Variants in SYCP1 observed in about 807,000 individuals in gnomAD.
SYCP1 encodes the protein cancer/testis antigen 8.
A neutral mutation model predicts 153.1 loss-of-function variants in SYCP1; 64 were observed. The observed-to-expected ratio is 0.42, with a 90% CI of 0.34 to 0.51. The LOEUF is 0.51. Ranked by LOEUF, SYCP1 falls within the 20% of genes least tolerant of loss-of-function variation. SYCP1 has a pLI of 0.06. For synonymous variants in SYCP1, 384 were observed against 341.8 expected (o/e 1.12, Z -1.36); for missense variants, 997 against 1,049.0 (o/e 0.95, Z 0.68).
At chr1:114,895,965 A>G (rs973734390) in intron 16 of SYCP1, among the ~76,000 whole-genome samples, 2 of 152,184 alleles carry the variant, frequency 1.3e-5, no homozygotes, top group Admixed American at 6.5e-5. Context: ...AACTGTCTGT[A>G]GAGGACTAGA....
chr1:114,910,237 T>A, intron 16 of SYCP1, 160 bp from the exon 17 acceptor site: 1 of 479,022 alleles, frequency 2.1e-6, no homozygotes, highest in South Asian at 2.8e-5. Flanking sequence ...GTCATCATGT[T>A]TAGTCTTTGA....
Position 114,926,307 on chromosome 1 carries a change from T to C in SYCP1, c.1830T>C (p.Asn610=). The C allele has an allele frequency of 8.5e-6, 13 of 1,531,626 alleles. No individual in the cohort carries two copies. The highest frequency in any genetic ancestry group is 1.1e-5 in the Non-Finnish European group (13 of 1,137,614). The allele number at this position is 1,531,626 out of a possible 1,614,324, so 94.9% of individuals were successfully genotyped here. A position where few individuals can be genotyped will look rare whatever the true frequency, so the allele number is the denominator to read the frequency against. The change falls in exon 22 of 32, where the codon AAT becomes AAC. Residue 610 remains asparagine, a synonymous_variant. Transcript: ENST00000369522. The stretch of plus-strand genomic sequence containing the variant: ...ACAATTTAAGGAAACAAGTTGAAAA[T>C]AAAAACAAGTATATTGAAGAACTTC... The part of the protein sequence containing the change: ...NCNNLRKQVE[N]KNKYIEELQQ...
chr1:114,967,119 G>A (rs1333872849), intron 27 of SYCP1, among the ~76,000 whole-genome samples: 1 of 152,192 alleles, frequency 6.6e-6, no homozygotes, highest in Non-Finnish European at 1.5e-5. Flanking sequence ...TAGAATAAGT[G>A]CTATGCGGTG....
chr1:114,907,710 T>C (rs1024366703), intron 16 of SYCP1, among the ~76,000 whole-genome samples: 1 of 151,690 alleles, frequency 6.6e-6, no homozygotes, highest in Non-Finnish European at 1.5e-5. Context: ...GCCTCCCGAG[T>C]AGCTGGGACT....
intron 15 of SYCP1, among the ~76,000 whole-genome samples, chr1:114,893,660 T>C (rs1220357992): frequency 1.3e-5 from 2 of 152,170 alleles, no homozygotes; most frequent in African/African-American, 4.8e-5. Flanking sequence ...TCTTCACAAA[T>C]TGTTGGTACC....
chr1:114,894,635 C>T (rs1230638415), intron 15 of SYCP1, among the ~76,000 whole-genome samples: 1 of 151,966 alleles, frequency 6.6e-6, no homozygotes, highest in Non-Finnish European at 1.5e-5. Flanking sequence ...AAAACAAGAA[C>T]AGGAGGTAGA....
At chr1:114,982,570 A>T (rs1673233582) in intron 29 of SYCP1, among the ~76,000 whole-genome samples, 1 of 151,368 alleles carries the variant, frequency 6.6e-6, no homozygotes, top group South Asian at 2.1e-4. Context: ...TTCTTTTGAT[A>T]ATTTATTTCT....
In SYCP1 at chr1:114,994,792, CT is replaced by C. The variant is rs1674167820; in HGVS notation, c.2793+9del. 1 of 1,583,918 alleles carries C rather than the reference CT, an allele frequency of 6.3e-7. No homozygotes were observed. Among genetic ancestry groups the C allele is most frequent in the Non-Finnish European group, 8.5e-7 (1 of 1,170,702 alleles). On this transcript the variant is annotated splice_donor_region_variant and intron_variant, in intron 31 of 31. Transcript: ENST00000369522. ...TGTGTCAAAACACCAAAAAAGGTAGCTTTTAAATTTTATTTCAGAAAGCAAA... is the reference window on the plus strand; with the variant it reads ...TGTGTCAAAACACCAAAAAAGGTAGCTTTAAATTTTATTTCAGAAAGCAAA...
At chr1:114,881,365 C>G (rs1328801541) in intron 12 of SYCP1, among the ~76,000 whole-genome samples, 1 of 152,036 alleles carries the variant, frequency 6.6e-6, no homozygotes, top group Non-Finnish European at 1.5e-5. Flanking sequence ...TTGTGATTAG[C>G]TGTCATAGAT....
chr1:114,921,448 G>T (rs1443419803), intron 20 of SYCP1, among the ~76,000 whole-genome samples: 1 of 152,034 alleles, frequency 6.6e-6, no homozygotes, highest in Non-Finnish European at 1.5e-5. Context: ...GGAGGCTGAG[G>T]GGGGCAGATC....
rs763267715 is a variant in SYCP1 at position 114,984,751 on chromosome 1, A to T, written c.2586A>T (p.Lys862Asn). 6.7e-7 allele frequency: 1 copy of T among 1,489,272 alleles called. No homozygotes were observed. Among genetic ancestry groups the T allele is most frequent in the Non-Finnish European group, 8.9e-7 (1 of 1,124,432 alleles). The allele number at this position is 1,489,272 out of a possible 1,614,324, so 92.3% of individuals were successfully genotyped here. Residue 862 changes from lysine to asparagine, a missense_variant, in exon 30 of 32, where the codon AAA becomes AAT. By Grantham distance (94) the Lys-to-Asn change is moderately conservative (BLOSUM62 0). This residue lies in a region of SYCP1 where 712 missense variants were observed against 682.9 expected (regional missense o/e 1.04). Coordinates refer to ENST00000369522, the MANE Select transcript of SYCP1 (RefSeq NM_003176.4). ...PKAYTVKTPT[K>N]PKLQQRENLN... Reference sequence around the variant, plus strand: ...CATATACAGTGAAGACACCAACAAAACCAAAACTACAGCAAAGAGAAAACT... The same window carrying T: ...CATATACAGTGAAGACACCAACAAATCCAAAACTACAGCAAAGAGAAAACT...
At chr1:114,962,550 C>A (rs1343608668) in intron 27 of SYCP1, among the ~76,000 whole-genome samples, 1 of 152,148 alleles carries the variant, frequency 6.6e-6, no homozygotes, top group Non-Finnish European at 1.5e-5. Flanking sequence ...TTATGTGAGT[C>A]TGTATGTGTT....
Position 114,913,096 on chromosome 1 carries a change from A to G in SYCP1, c.1593A>G (p.Thr531=), listed in dbSNP as rs145933284. 1,825 of 1,612,612 alleles carry G rather than the reference A, an allele frequency of 1.1e-3. 1 individual carries two copies. Among genetic ancestry groups the G allele is most frequent in the Non-Finnish European group, 1.4e-3 (1,668 of 1,179,096 alleles). ...NKLSLENKEL[T]QETSDMTLEL... ...TTTCACTAGAAAACAAAGAGCTCAC[A>G]CAGGAAACAAGTGATATGACCCTAG... The change falls in exon 19 of 32, where the codon ACA becomes ACG. Residue 531 remains threonine (T), a synonymous_variant. Transcript: ENST00000369522.
chr1:114,896,106 G>A (rs1037020533), intron 16 of SYCP1, among the ~76,000 whole-genome samples: 52 of 151,796 alleles, frequency 3.4e-4, no homozygotes, highest in Admixed American at 1.0e-3. Context: ...CTAGCTTAAG[G>A]GTCTAGGAAA....
chr1:114,885,801 T>C (rs1445448505), intron 13 of SYCP1, among the ~76,000 whole-genome samples, 172 bp downstream of exon 13: 1 of 152,068 alleles, frequency 6.6e-6, no homozygotes, highest in African/African-American at 2.4e-5. Flanking sequence ...TAAAAACACA[T>C]CAAAAGTATA....
At chr1:114,895,426 A>ATT (rs150956388) in intron 15 of SYCP1, 22 bp from the exon 16 acceptor site, 166 of 1,272,294 alleles carry the variant, frequency 1.3e-4, no homozygotes, top group South Asian at 3.6e-4. Context: ...TTTTTAACAC[A>ATT]TTTTTTTTTT....
At chr1:114,908,122 C>A (rs1427813821) in intron 16 of SYCP1, among the ~76,000 whole-genome samples, 3 of 151,680 alleles carry the variant, frequency 2.0e-5, no homozygotes, top group Non-Finnish European at 4.4e-5. Context: ...TTGCTGCTGA[C>A]AAATTTTCTT....
chr1:114,958,591 T>G (rs536167197), intron 27 of SYCP1, among the ~76,000 whole-genome samples: 1 of 151,922 alleles, frequency 6.6e-6, no homozygotes, highest in South Asian at 2.1e-4. Flanking sequence ...TAAAAATTAT[T>G]TAGTAATTTA....
Position 114,888,715 on chromosome 1 carries a change from A to G in SYCP1, c.1258+1022A>G, listed in dbSNP as rs569234780. On this transcript the variant is annotated intron_variant, in intron 15 of 31. Transcript: ENST00000369522. ...TACCTATACTTACTTTTTAAAAATT[A>G]TTATTATACTTTAAGTTCTAGGGTA... Among the ~76,000 whole-genome samples, 7 of 152,066 alleles carry G rather than the reference A, an allele frequency of 4.6e-5. No homozygotes were observed. The South Asian group carries it at 1.4e-3, about 31-fold the overall frequency.
Sources: gnomAD v4.1 joint callset for allele counts (sites outside exome capture counted in the v4.1 genomes callset) on GRCh38, gnomAD v4.1.1 for gene constraint, gnomAD v4.1.1 regional missense constraint, MANE v1.5 for transcripts, NCBI Gene and HGNC (gene_info 2026-07-23, HGNC 2026-07-21) for gene names.